ELK3: variants seen among roughly 807,000 people sequenced by gnomAD.
The protein encoded by ELK3 is ETS domain-containing protein Elk-3.
Under a neutral mutation model 28.9 loss-of-function variants are expected in ELK3, and 10 were observed. The ratio of observed to expected loss-of-function variants is 0.35; its 90% CI spans 0.21 to 0.59. The LOEUF is 0.59. ELK3 is among the 20% of genes least tolerant of loss of function. The pLI is 0.82. For missense variants in ELK3, 463 were observed against 517.3 expected (o/e 0.90, Z 1.02); for synonymous variants, 272 against 243.5 (o/e 1.12, Z -1.09).
At chr12:96,250,149 C>T (rs532228234) in intron 3 of ELK3, among the ~76,000 whole-genome samples, 100 of 152,284 alleles carry the variant, frequency 6.6e-4, no homozygotes, top group Admixed American at 1.3e-3. Context: ...CTCTAAACCA[C>T]GCAAAACTAA....
chr12:96,233,451 C>T (rs942174574), intron 2 of ELK3, among the ~76,000 whole-genome samples: 65 of 152,252 alleles, frequency 4.3e-4, no homozygotes, highest in Admixed American at 3.6e-3. Flanking sequence ...CTTAGCCTCA[C>T]GATGTACTGA....
chr12:96,203,927 C>T (rs879388423), intron 1 of ELK3, among the ~76,000 whole-genome samples: 3 of 152,224 alleles, frequency 2.0e-5, no homozygotes, highest in Non-Finnish European at 2.9e-5. Flanking sequence ...GGCAACAGAG[C>T]GAGACTGTGT....
intron 3 of ELK3, among the ~76,000 whole-genome samples, chr12:96,256,237 T>C (rs573822417): frequency 6.6e-6 from 1 of 152,250 alleles, no homozygotes; most frequent in African/African-American, 2.4e-5. Context: ...GTTGTGGGAC[T>C]CCTCCAGAGG....
chr12:96,212,777 G>A (rs182069566), intron 1 of ELK3: 30 of 152,322 alleles, frequency 2.0e-4, no homozygotes, highest in African/African-American at 4.8e-4. Flanking sequence ...TGCACACTCT[G>A]TGTGGCTACC....
At position 96,233,549 on chromosome 12, in the gene ELK3, C is replaced by T. The variant is rs368141924; in HGVS notation, c.207+9776C>T. Among the ~76,000 whole-genome samples the T allele has an allele frequency of 1.2e-4, 18 of 152,346 alleles. No homozygotes were observed. In the South Asian group the frequency reaches 3.1e-3, roughly 26 times the overall value. On this transcript the variant is annotated intron_variant, in intron 2 of 4. Coordinates refer to ENST00000228741, the MANE Select transcript of ELK3 (RefSeq NM_005230.4). ...CTATTCCTGGAATTAGAACGCATCACCTTCTTAACTTAATTGGATAATTCA... is the reference window on the plus strand; with the variant it reads ...CTATTCCTGGAATTAGAACGCATCATCTTCTTAACTTAATTGGATAATTCA...
At position 96,218,685 on chromosome 12, in the gene ELK3, G is replaced by A. The variant is rs1951638931; in HGVS notation, c.-2-4880G>A. On this transcript the variant is annotated intron_variant, in intron 1 of 4. Transcript: ENST00000228741. ...TTTTTTTGAGACAGAGTCTCGCTCTGTCACCTAGGCTGGAGTGTAGTGGCG... is the reference window on the plus strand; with the variant it reads ...TTTTTTTGAGACAGAGTCTCGCTCTATCACCTAGGCTGGAGTGTAGTGGCG... Among the ~76,000 whole-genome samples, 3 of 141,704 alleles carry A rather than the reference G, an allele frequency of 2.1e-5. No individual in the cohort carries two copies. In the South Asian group the frequency reaches 6.7e-4, roughly 31 times the overall value. The allele number at this position is 141,704 out of a possible 152,430, so 93.0% of individuals were successfully genotyped here.
chr12:96,204,276 A>G (rs1951526145), intron 1 of ELK3, among the ~76,000 whole-genome samples: 1 of 152,236 alleles, frequency 6.6e-6, no homozygotes, highest in South Asian at 2.1e-4. Flanking sequence ...CCAGTTTTTA[A>G]TCCTGTAAGA....
intron 2 of ELK3, among the ~76,000 whole-genome samples, chr12:96,228,288 C>G (rs1951718079): frequency 6.6e-6 from 1 of 151,678 alleles, no homozygotes; most frequent in Non-Finnish European, 1.5e-5. Context: ...CGTGGTGGTG[C>G]ACACCTGTGG....
chr12:96,249,349 C>G lies in ELK3; in HGVS notation c.1002+1615C>G, dbSNP rs1284435957. Among the ~76,000 whole-genome samples, 5 of 152,194 alleles carry G rather than the reference C, an allele frequency of 3.3e-5. No homozygotes were observed. The East Asian group carries it at 9.6e-4, about 29-fold the overall frequency. On this transcript the variant is annotated intron_variant, in intron 3 of 4. Coordinates refer to ENST00000228741, the MANE Select transcript of ELK3 (RefSeq NM_005230.4). ...CTGGATTCTGCCCAGGATTTCATGA[C>G]AGCTCAAGCCTGTGAGCTGGTGGTG...
rs560214560 is a variant in ELK3 at position 96,208,046 on chromosome 12, AGTTTTTT to A, written c.-3+13356_-3+13362del. Among the ~76,000 whole-genome samples the A allele has an allele frequency of 8.6e-5, 13 of 152,036 alleles. No homozygotes were observed. In the East Asian group the frequency reaches 9.7e-4, roughly 11 times the overall value. ...TCCAGGTAGGCTGATGTTAGAGGGC[AGTTTTTT>A]GTTTTTTGTTTTTTTTTGAGACAGA... is the stretch of plus-strand genomic sequence containing the variant. On this transcript the variant is annotated intron_variant, in intron 1 of 4. Transcript: ENST00000228741.
intron 2 of ELK3, among the ~76,000 whole-genome samples, chr12:96,241,542 T>C (rs1951821585): frequency 2.0e-5 from 3 of 151,908 alleles, no homozygotes; most frequent in Admixed American, 2.0e-4. Flanking sequence ...CAGACAGCAC[T>C]GAAATGGAAA....
chr12:96,205,865 C>T (rs773813344), intron 1 of ELK3, among the ~76,000 whole-genome samples: 1 of 152,216 alleles, frequency 6.6e-6, no homozygotes. Flanking sequence ...GCGTTTCTGT[C>T]CTCACTTAAT....
chr12:96,259,941 C>T, intron 4 of ELK3, 88 bp downstream of exon 4: 1 of 1,450,640 alleles, frequency 6.9e-7, no homozygotes, highest in South Asian at 1.5e-5. Context: ...GTGAGTTTTG[C>T]CATATGTTGA....
intron 2 of ELK3, among the ~76,000 whole-genome samples, chr12:96,246,362 A>G (rs954070694): frequency 2.0e-5 from 3 of 152,224 alleles, no homozygotes; most frequent in African/African-American, 7.2e-5. Flanking sequence ...CCACATAGTA[A>G]AGGCTTCATA....
chr12:96,238,706 C>T (rs1000824013), intron 2 of ELK3, among the ~76,000 whole-genome samples: 1 of 152,224 alleles, frequency 6.6e-6, no homozygotes, highest in Non-Finnish European at 1.5e-5. Flanking sequence ...CTTCTCTACC[C>T]TGTGGATTGG....
chr12:96,246,551 C>T (rs966885611), intron 2 of ELK3, among the ~76,000 whole-genome samples: 1 of 152,148 alleles, frequency 6.6e-6, no homozygotes, highest in Non-Finnish European at 1.5e-5. Flanking sequence ...GTCCCAGCCA[C>T]TCAGGAGGTG....
chr12:96,199,933 T>G (rs1466751040), intron 1 of ELK3, among the ~76,000 whole-genome samples: 1 of 152,172 alleles, frequency 6.6e-6, no homozygotes, highest in East Asian at 1.9e-4. Flanking sequence ...AAAACAAGGA[T>G]CTATTTATGA....
intron 2 of ELK3, among the ~76,000 whole-genome samples, chr12:96,238,194 AT>A (rs1400020364): frequency 6.6e-6 from 1 of 152,246 alleles, no homozygotes; most frequent in Non-Finnish European, 1.5e-5. Context: ...GTACGATTAG[AT>A]TATTGCATGC....
intron 2 of ELK3, among the ~76,000 whole-genome samples, chr12:96,231,677 G>C (rs1340654013): frequency 1.3e-5 from 2 of 152,186 alleles, no homozygotes; most frequent in African/African-American, 4.8e-5. Context: ...ATTTTTAGTA[G>C]AGATGGGATT....
Sources: gnomAD v4.1 joint callset for allele counts (sites outside exome capture counted in the v4.1 genomes callset) on GRCh38, gnomAD v4.1.1 for gene constraint, MANE v1.5 for transcripts, NCBI Gene and HGNC (gene_info 2026-07-23, HGNC 2026-07-21) for gene names.